MOB3B: variants seen among roughly 807,000 people sequenced by gnomAD.
MOB3B encodes the protein MOB kinase activator-like 2B.
MOB3B carries 7 observed loss-of-function variants against 18.7 expected under a neutral mutation model. That is an observed-to-expected ratio of 0.37 (90% CI 0.21 to 0.70). The LOEUF is 0.70. Among genes scored for constraint, MOB3B ranks in the 30% least tolerant of loss-of-function variants. The probability of loss-of-function intolerance (pLI) is 0.52; values close to 1 mark genes in which losing one functional copy is unlikely to be tolerated. For synonymous variants in MOB3B, 111 were observed against 99.9 expected, an observed-to-expected ratio of 1.11 and a Z score of -0.66; for missense variants, 253 against 281.3, an observed-to-expected ratio of 0.90 and a Z score of 0.72.
At chr9:27,353,089 A>G (rs1821130324) in intron 3 of MOB3B, among the ~76,000 whole-genome samples, 1 of 152,168 alleles carries the variant, frequency 6.6e-6, no homozygotes, top group Non-Finnish European at 1.5e-5. Context: ...CTAACTCCCA[A>G]TCCTAGAGGA....
intron 1 of MOB3B, among the ~76,000 whole-genome samples, chr9:27,459,789 C>T (rs1156819667): frequency 2.7e-5 from 4 of 148,152 alleles, no homozygotes; most frequent in Admixed American, 2.1e-4. Context: ...GCTGCTATTG[C>T]GGCCTCAAGC....
intron 3 of MOB3B, among the ~76,000 whole-genome samples, chr9:27,339,247 G>A (rs1182728641): frequency 6.6e-6 from 1 of 152,184 alleles, no homozygotes; most frequent in Admixed American, 6.5e-5. Context: ...TCAGGCATGA[G>A]GCCTAAACAT....
At chr9:27,494,323 T>C (rs1367418730) in intron 1 of MOB3B, among the ~76,000 whole-genome samples, 1 of 152,208 alleles carries the variant, frequency 6.6e-6, no homozygotes, top group Non-Finnish European at 1.5e-5. Flanking sequence ...AAGTACTTGA[T>C]GTCTGTGACC....
chr9:27,362,559 A>G (rs1483542586), intron 2 of MOB3B, among the ~76,000 whole-genome samples: 1 of 152,018 alleles, frequency 6.6e-6, no homozygotes, highest in Non-Finnish European at 1.5e-5. Flanking sequence ...CCACTCTTCC[A>G]CCATTCCCTC....
chr9:27,446,090 G>T (rs1257234896), intron 2 of MOB3B, among the ~76,000 whole-genome samples: 3 of 152,084 alleles, frequency 2.0e-5, no homozygotes, highest in Non-Finnish European at 4.4e-5. Flanking sequence ...CTGAACTAAG[G>T]TTCAGTTAGA....
intron 1 of MOB3B, among the ~76,000 whole-genome samples, chr9:27,489,621 A>G (rs558978813): frequency 6.6e-5 from 10 of 151,860 alleles, no homozygotes; most frequent in Middle Eastern, 6.8e-3. Flanking sequence ...CTAACCACGT[A>G]TGTGGGTGAT....
At chr9:27,435,233 CA>C (rs527763240) in intron 2 of MOB3B, among the ~76,000 whole-genome samples, 97 of 152,240 alleles carry the variant, frequency 6.4e-4, no homozygotes, top group African/African-American at 2.3e-3. Context: ...TAATTTGTTT[CA>C]GCAAACTATG....
chr9:27,485,539 A>G (rs1819718942), intron 1 of MOB3B, among the ~76,000 whole-genome samples: 1 of 152,218 alleles, frequency 6.6e-6, no homozygotes, highest in Non-Finnish European at 1.5e-5. Flanking sequence ...TGTCTCCAAT[A>G]TTAGCCCCTT....
chr9:27,493,680 T>A (rs950903059), intron 1 of MOB3B, among the ~76,000 whole-genome samples: 5 of 152,046 alleles, frequency 3.3e-5, no homozygotes, highest in African/African-American at 1.2e-4. Context: ...ACTTCCCCAA[T>A]CAATACCCTT....
Position 27,524,150 on chromosome 9 carries a change from T to TAAAAAAAAA in MOB3B, c.-199+5396_-199+5404dup, listed in dbSNP as rs3081119. Among the ~76,000 whole-genome samples, 4 of 90,272 alleles carry TAAAAAAAAA rather than the reference T, an allele frequency of 4.4e-5. 2 individuals are homozygous for TAAAAAAAAA. The highest frequency in any genetic ancestry group is 8.7e-5 in the African/African-American group (2 of 22,924). The allele number at this position is 90,272 out of a possible 152,430, so 59.2% of individuals were successfully genotyped here. ...CCAAAGTCGGCATAGTCACCCGAAG[T>TAAAAAAAAA]AAAAAAAAAAAAAAAAAAAAAGCCT... is the stretch of plus-strand genomic sequence containing the variant. On this transcript the variant is annotated intron_variant, in intron 1 of 3. Coordinates refer to ENST00000262244, the MANE Select transcript of MOB3B (RefSeq NM_024761.5).
At chr9:27,442,071 TG>T (rs1481962306) in intron 2 of MOB3B, among the ~76,000 whole-genome samples, 1 of 152,210 alleles carries the variant, frequency 6.6e-6, no homozygotes, top group Non-Finnish European at 1.5e-5. Flanking sequence ...TTTTTTGTTT[TG>T]GGAAATGTAG....
intron 2 of MOB3B, chr9:27,378,531 G>A (rs1436550637): frequency 2.1e-6 from 1 of 471,080 alleles, no homozygotes; most frequent in Non-Finnish European, 4.4e-6. Flanking sequence ...GGAACCAGGG[G>A]GCAGCTTGGC....
chr9:27,344,581 G>A (rs1049352808), intron 3 of MOB3B, among the ~76,000 whole-genome samples: 1 of 152,224 alleles, frequency 6.6e-6, no homozygotes, highest in Non-Finnish European at 1.5e-5. Context: ...GTCAGGGAAA[G>A]AGTGAGTTCC....
intron 1 of MOB3B, among the ~76,000 whole-genome samples, chr9:27,488,699 C>T (rs185230347): frequency 5.3e-4 from 81 of 152,310 alleles, no homozygotes; most frequent in East Asian, 3.9e-4. Context: ...TGAGCCACTG[C>T]GCCCTGCCTG....
At chr9:27,490,782 A>T (rs1475202562) in intron 1 of MOB3B, among the ~76,000 whole-genome samples, 2 of 152,210 alleles carry the variant, frequency 1.3e-5, no homozygotes, top group Non-Finnish European at 2.9e-5. Flanking sequence ...TTTTAGCACC[A>T]ATAAAATGTA....
At chr9:27,330,948 G>A (rs975255362) in intron 3 of MOB3B, among the ~76,000 whole-genome samples, 1 of 152,164 alleles carries the variant, frequency 6.6e-6, no homozygotes, top group Non-Finnish European at 1.5e-5. Flanking sequence ...TTGCTCTCCA[G>A]TTTGCCCCAG....
chr9:27,345,877 T>C (rs1361463470), intron 3 of MOB3B, among the ~76,000 whole-genome samples: 1 of 152,232 alleles, frequency 6.6e-6, no homozygotes, highest in Non-Finnish European at 1.5e-5. Context: ...TTGGAAATTA[T>C]CTAGCTGCTG....
chr9:27,362,319 T>C (rs1473128676), intron 2 of MOB3B, among the ~76,000 whole-genome samples: 3 of 152,170 alleles, frequency 2.0e-5, no homozygotes, highest in Non-Finnish European at 4.4e-5. Flanking sequence ...AGGGCTAGGA[T>C]TTTAAACTAG....
intron 2 of MOB3B, among the ~76,000 whole-genome samples, chr9:27,434,530 T>C (rs1323268385): frequency 6.6e-6 from 1 of 152,114 alleles, no homozygotes; most frequent in Non-Finnish European, 1.5e-5. Context: ...GACCTTTTTT[T>C]CTGAATCCCA....
Sources: allele counts gnomAD v4.1 joint callset (sites outside exome capture counted in the v4.1 genomes callset), GRCh38; gene constraint gnomAD v4.1.1; transcripts MANE v1.5; gene names NCBI Gene and HGNC (gene_info 2026-07-23, HGNC 2026-07-21).